Variants in ZFYVE9 observed in about 807,000 individuals in gnomAD.
ZFYVE9 encodes the protein zinc finger FYVE domain-containing protein 9.
Under a neutral mutation model 126.7 loss-of-function variants are expected in ZFYVE9, and 43 were observed. The observed-to-expected ratio is 0.34, with a 90% confidence interval of 0.27 to 0.44. The LOEUF is 0.44. ZFYVE9 is among the 20% of genes least tolerant of loss of function. The pLI is 1.00. For missense variants in ZFYVE9, 1,476 were observed against 1,697.0 expected (o/e 0.87, Z 2.29); for synonymous variants, 521 against 597.4 (o/e 0.87, Z 1.87).
intron 4 of ZFYVE9, among the ~76,000 whole-genome samples, chr1:52,249,364 T>C (rs1645421455): frequency 6.6e-6 from 1 of 152,206 alleles, no homozygotes; most frequent in Non-Finnish European, 1.5e-5. Context: ...TATCTCATTG[T>C]GGTTTTGGTT....
intron 11 of ZFYVE9, among the ~76,000 whole-genome samples, chr1:52,294,346 C>A (rs568314041): frequency 2.6e-5 from 4 of 152,052 alleles, no homozygotes; most frequent in Non-Finnish European, 5.9e-5. Flanking sequence ...ATAATGCTTG[C>A]CTTCTATTTT....
chr1:52,143,040 C>T (rs1490432694), intron 1 of ZFYVE9, among the ~76,000 whole-genome samples: 1 of 152,208 alleles, frequency 6.6e-6, no homozygotes, highest in Non-Finnish European at 1.5e-5. Flanking sequence ...TAAGCGTGGT[C>T]TGCCTTGGAG....
chr1:52,243,849 T>C (rs1259445805), intron 4 of ZFYVE9, among the ~76,000 whole-genome samples: 28 of 151,138 alleles, frequency 1.9e-4, no homozygotes, highest in Admixed American at 1.8e-3. Flanking sequence ...TGGGAAGCCA[T>C]GGGAGTGGAT....
At chr1:52,151,895 T>C (rs540540493) in intron 1 of ZFYVE9, among the ~76,000 whole-genome samples, 5 of 152,220 alleles carry the variant, frequency 3.3e-5, no homozygotes, top group Non-Finnish European at 7.3e-5. Context: ...TTCAGCTTAC[T>C]ATATATCCCT....
At chr1:52,282,626 A>G (rs1020439849) in intron 10 of ZFYVE9, among the ~76,000 whole-genome samples, 1 of 152,188 alleles carries the variant, frequency 6.6e-6, no homozygotes, top group African/African-American at 2.4e-5. Flanking sequence ...AATTATTCAG[A>G]CTTTCTTAAT....
chr1:52,229,251 C>T (rs547090188), intron 2 of ZFYVE9, among the ~76,000 whole-genome samples: 3 of 152,120 alleles, frequency 2.0e-5, no homozygotes, highest in Admixed American at 6.5e-5. Flanking sequence ...ATGATTAAAT[C>T]GGCTAAATGT....
chr1:52,162,374 C>T, intron 1 of ZFYVE9: 1 of 351,594 alleles, frequency 2.8e-6, no homozygotes. Flanking sequence ...ACCACCTCCG[C>T]CACCACCACT....
Position 52,259,956 on chromosome 1 carries a change from A to G in ZFYVE9, c.2179-3817A>G, listed in dbSNP as rs149710239. The stretch of plus-strand genomic sequence containing the variant: ...GTATACTGCAGTTTAATTAGCTGTT[A>G]CACTACTGATGAACACTTGGGTTGT... On this transcript the variant is annotated intron_variant, in intron 4 of 18. Transcript: ENST00000287727. Among the ~76,000 whole-genome samples the G allele has an allele frequency of 1.4e-3, 206 of 152,286 alleles. No homozygotes were observed. In the Middle Eastern group the frequency reaches 0.014, roughly 10 times the overall value.
chr1:52,173,012 GCC>G (rs933688943), intron 1 of ZFYVE9, among the ~76,000 whole-genome samples: 1 of 150,486 alleles, frequency 6.6e-6, no homozygotes, highest in Non-Finnish European at 1.5e-5. Flanking sequence ...CTGCCTAATT[GCC>G]CTGGCCAGAA....
chr1:52,227,270 CTAT>C (rs1645179118), intron 2 of ZFYVE9, among the ~76,000 whole-genome samples: 1 of 152,254 alleles, frequency 6.6e-6, no homozygotes, highest in Non-Finnish European at 1.5e-5. Context: ...AGTTGGCAAG[CTAT>C]TTCTCCTCCT....
At chr1:52,159,542 A>G (rs1340390711) in intron 1 of ZFYVE9, among the ~76,000 whole-genome samples, 1 of 152,206 alleles carries the variant, frequency 6.6e-6, no homozygotes. Context: ...GGAGTCCTGC[A>G]TTGGACAGAA....
At chr1:52,172,040 A>G (rs1454735693) in intron 1 of ZFYVE9, among the ~76,000 whole-genome samples, 1 of 151,960 alleles carries the variant, frequency 6.6e-6, no homozygotes, top group African/African-American at 2.4e-5. Context: ...TTTTGTTGCC[A>G]TTGCTTTTGG....
In ZFYVE9 at chr1:52,243,609, C is replaced by T. The variant is rs543625963; in HGVS notation, c.2178+4014C>T. 3.6e-4 allele frequency among the ~76,000 whole-genome samples: 55 copies of T among 150,802 alleles called. No homozygotes were observed. The South Asian group carries it at 4.0e-3, about 11-fold the overall frequency. ...ACTGAAGGAACTCCAGTATAGTGAA[C>T]GAGGGAAGAGTCACATAAAAAGAGA... On this transcript the variant is annotated intron_variant, in intron 4 of 18. Coordinates refer to ENST00000287727, the MANE Select transcript of ZFYVE9 (RefSeq NM_004799.4).
At chr1:52,314,492 G>A (rs1179207491) in intron 13 of ZFYVE9, among the ~76,000 whole-genome samples, 1 of 152,174 alleles carries the variant, frequency 6.6e-6, no homozygotes, top group Admixed American at 6.5e-5. Flanking sequence ...GACCAAACTG[G>A]CTAACATGGT....
At chr1:52,157,071 A>G (rs1644409649) in intron 1 of ZFYVE9, among the ~76,000 whole-genome samples, 1 of 152,020 alleles carries the variant, frequency 6.6e-6, no homozygotes, top group Non-Finnish European at 1.5e-5. Context: ...TGACCTCGTG[A>G]TCCGCCTGCC....
chr1:52,191,076 C>A (rs1644812547), intron 1 of ZFYVE9, among the ~76,000 whole-genome samples: 1 of 151,956 alleles, frequency 6.6e-6, no homozygotes, highest in African/African-American at 2.4e-5. Context: ...GTGGGTGGGA[C>A]TATAAATGCA....
intron 4 of ZFYVE9, among the ~76,000 whole-genome samples, chr1:52,256,191 A>G: frequency 6.6e-6 from 1 of 150,948 alleles, no homozygotes; most frequent in East Asian, 2.0e-4. Flanking sequence ...TCAGCCTCCC[A>G]AGTAGCTGAG....
chr1:52,228,579 C>T (rs1645190774), intron 2 of ZFYVE9, among the ~76,000 whole-genome samples: 1 of 152,172 alleles, frequency 6.6e-6, no homozygotes, highest in Non-Finnish European at 1.5e-5. Flanking sequence ...TATACTCTCA[C>T]ATCATTTAAA....
At chr1:52,239,650 TTAAATAG>T (rs1645313875) in intron 4 of ZFYVE9, 55 bp downstream of exon 4, 2 of 1,548,240 alleles carry the variant, frequency 1.3e-6, no homozygotes, top group African/African-American at 2.7e-5. Context: ...TAATGCTGAA[TTAAATAG>T]TAATAAAGGC....
Sources: gnomAD v4.1 joint callset for allele counts (sites outside exome capture counted in the v4.1 genomes callset) on GRCh38, gnomAD v4.1.1 for gene constraint, MANE v1.5 for transcripts, NCBI Gene and HGNC (gene_info 2026-07-23, HGNC 2026-07-21) for gene names.